The following FAM222B variants were observed in gnomAD, a reference collection of about 807,000 sequenced individuals.
The protein encoded by FAM222B is protein FAM222B.
Under a neutral mutation model 38.0 loss-of-function variants are expected in FAM222B, and 12 were observed. The ratio of observed to expected loss-of-function variants is 0.32; its 90% CI spans 0.20 to 0.51. The LOEUF (loss-of-function observed/expected upper bound fraction) is 0.51. Ranked by LOEUF, FAM222B falls within the 20% of genes least tolerant of loss-of-function variation. FAM222B has a pLI of 0.97. For synonymous variants in FAM222B, 329 were observed against 317.2 expected, an observed-to-expected ratio of 1.04 and a Z score of -0.40; for missense variants, 716 against 754.2, an observed-to-expected ratio of 0.95 and a Z score of 0.59.
At chr17:28,803,295 ACCGTAC>A (rs1319281934) in intron 1 of FAM222B, among the ~76,000 whole-genome samples, 4 of 152,000 alleles carry the variant, frequency 2.6e-5, no homozygotes, top group African/African-American at 9.7e-5. Flanking sequence ...GGCATGAGCC[ACCGTAC>A]CCAGGTTCTT....
intron 1 of FAM222B, among the ~76,000 whole-genome samples, chr17:28,821,519 T>G (rs1330209288): frequency 2.6e-5 from 4 of 152,228 alleles, no homozygotes; most frequent in Non-Finnish European, 4.4e-5. Flanking sequence ...AGAAAACTGA[T>G]GTACTTTAAG....
Position 28,761,275 on chromosome 17 carries a change from A to AG in FAM222B, c.83-1400dup, listed in dbSNP as rs1036308628. On this transcript the variant is annotated intron_variant, in intron 2 of 2. Transcript: ENST00000581407. ...TCTTTAAGGATGCCAACCTCCTGCAAGGGGGCTCTGCTCTACTCTCTCGTC... is the reference window on the plus strand; with the variant it reads ...TCTTTAAGGATGCCAACCTCCTGCAAGGGGGGCTCTGCTCTACTCTCTCGTC... Among the ~76,000 whole-genome samples the AG allele has an allele frequency of 5.3e-5, 8 of 152,338 alleles. No homozygotes were observed. The Middle Eastern group carries it at 0.01, about 194-fold the overall frequency.
At chr17:28,776,375 CAAAAA>C (rs35900323) in intron 1 of FAM222B, among the ~76,000 whole-genome samples, 3 of 62,454 alleles carry the variant, frequency 4.8e-5, no homozygotes, top group African/African-American at 6.2e-5. Context: ...GACTCCGTCT[CAAAAA>C]AAAAAAAAAA....
At chr17:28,829,682 T>C (rs892871832) in intron 1 of FAM222B, among the ~76,000 whole-genome samples, 8 of 152,142 alleles carry the variant, frequency 5.3e-5, no homozygotes, top group African/African-American at 1.7e-4. Context: ...AGTATTCCAT[T>C]GTGTAGATAC....
chr17:28,800,435 G>C (rs2037164808), intron 1 of FAM222B, among the ~76,000 whole-genome samples: 1 of 152,168 alleles, frequency 6.6e-6, no homozygotes, highest in African/African-American at 2.4e-5. Context: ...TATTAAAATT[G>C]ATGTGCAGGC....
intron 1 of FAM222B, among the ~76,000 whole-genome samples, chr17:28,836,843 G>C (rs2038861398): frequency 6.6e-6 from 1 of 152,068 alleles, no homozygotes; most frequent in Non-Finnish European, 1.5e-5. Flanking sequence ...GGCAGATATT[G>C]GGCATAAGAC....
chr17:28,825,919 C>T (rs1167335850), intron 1 of FAM222B, among the ~76,000 whole-genome samples: 1 of 151,786 alleles, frequency 6.6e-6, no homozygotes, highest in African/African-American at 2.4e-5. Context: ...GGATTACAGG[C>T]ACCCACCACC....
chr17:28,854,986 C>A (rs1295168934), exon 1 of FAM222B: 2 of 1,517,258 alleles, frequency 1.3e-6, no homozygotes, highest in Non-Finnish European at 1.8e-6. Context: ...CCGCTCTGTT[C>A]AATCGTAGGA....
At chr17:28,853,587 T>A (rs1192886548) in intron 1 of FAM222B, among the ~76,000 whole-genome samples, 1 of 152,226 alleles carries the variant, frequency 6.6e-6, no homozygotes, top group Non-Finnish European at 1.5e-5. Context: ...TATAAATAGT[T>A]GTTATACTGT....
chr17:28,826,946 G>A (rs1325998280), intron 1 of FAM222B, among the ~76,000 whole-genome samples: 1 of 152,056 alleles, frequency 6.6e-6, no homozygotes, highest in East Asian at 1.9e-4. Context: ...CTTGAGACCA[G>A]CATTGGCAAT....
chr17:28,819,248 G>C (rs2038132186), intron 1 of FAM222B, among the ~76,000 whole-genome samples: 1 of 152,088 alleles, frequency 6.6e-6, no homozygotes, highest in Non-Finnish European at 1.5e-5. Flanking sequence ...CTTATTCATA[G>C]CCTTAAGGAA....
chr17:28,822,139 A>C (rs2038247485), intron 1 of FAM222B, among the ~76,000 whole-genome samples: 2 of 150,088 alleles, frequency 1.3e-5, no homozygotes, highest in South Asian at 4.3e-4. Context: ...CTCCTGCCTC[A>C]GTCTCCCAAG....
chr17:28,844,880 C>T (rs987681531), upstream of FAM222B, among the ~76,000 whole-genome samples: 1 of 151,682 alleles, frequency 6.6e-6, no homozygotes, highest in African/African-American at 2.4e-5. Context: ...GCGGGCGGAT[C>T]ACTTGAAGCC....
intron 1 of FAM222B, among the ~76,000 whole-genome samples, chr17:28,771,004 A>G (rs551538700): frequency 1.3e-5 from 2 of 149,680 alleles, no homozygotes; most frequent in African/African-American, 4.9e-5. Context: ...GTATATATAT[A>G]TATTTTTTCT....
intron 1 of FAM222B, among the ~76,000 whole-genome samples, chr17:28,833,494 G>C (rs867206504): frequency 6.6e-6 from 1 of 150,490 alleles, no homozygotes; most frequent in Non-Finnish European, 1.5e-5. Context: ...GTGTGCGCCT[G>C]TAGTCCCAGC....
At chr17:28,814,008 G>A (rs1263558310) in intron 1 of FAM222B, among the ~76,000 whole-genome samples, 1 of 151,750 alleles carries the variant, frequency 6.6e-6, no homozygotes, top group African/African-American at 2.4e-5. Flanking sequence ...CCAGGTGTTC[G>A]AGACCAGCCT....
chr17:28,792,979 T>C (rs770962846), intron 1 of FAM222B, among the ~76,000 whole-genome samples: 5 of 151,936 alleles, frequency 3.3e-5, no homozygotes, highest in Admixed American at 6.6e-5. Context: ...TTCAGTGCAG[T>C]AGTGTGACCA....
intron 1 of FAM222B, among the ~76,000 whole-genome samples, chr17:28,774,994 C>T (rs1802579673): frequency 7.7e-6 from 1 of 130,432 alleles, no homozygotes; most frequent in African/African-American, 2.9e-5. Flanking sequence ...CAAAAAAAAT[C>T]TCAGCTGTAT....
In FAM222B at chr17:28,758,199, C is replaced by A; in HGVS notation, c.*71G>T. On this transcript the variant is annotated 3_prime_UTR_variant, in exon 3 of 3. Transcript: ENST00000581407. ...TGGAGCAGTGAAACTTTGAAACTAT[C>A]CAGTTACTTAAAAGACTAAACCTAG... is the stretch of plus-strand genomic sequence containing the variant. 1 of 1,276,348 alleles carries A rather than the reference C, an allele frequency of 7.8e-7. No individual in the cohort carries two copies. Among genetic ancestry groups the A allele is most frequent in the Non-Finnish European group, 1.1e-6 (1 of 918,582 alleles). 79.1% of individuals were successfully genotyped at this position (1,276,348 alleles called of 1,614,324 possible).
Sources: gnomAD v4.1 joint callset for allele counts (sites outside exome capture counted in the v4.1 genomes callset) on GRCh38, gnomAD v4.1.1 for gene constraint, MANE v1.5 for transcripts, NCBI Gene and HGNC (gene_info 2026-07-23, HGNC 2026-07-21) for gene names.